The following LRRD1 variants were observed in gnomAD, a reference collection of about 807,000 sequenced individuals.
LRRD1 encodes the protein leucine rich repeats and death domain containing 1, also known as leucine-rich repeat and death domain-containing protein 1.
A neutral mutation model predicts 69.5 loss-of-function variants in LRRD1; 49 were observed. The observed-to-expected ratio is 0.70, with a 90% CI of 0.56 to 0.89. The LOEUF (loss-of-function observed/expected upper bound fraction) is 0.89, where lower values mean the gene tolerates loss of function less well. Ranked by LOEUF, LRRD1 falls within the 40% of genes least tolerant of loss-of-function variation. The probability of loss-of-function intolerance (pLI) is 0.00; values close to 1 mark genes in which losing one functional copy is unlikely to be tolerated. For synonymous variants in LRRD1, 303 were observed against 338.9 expected (o/e 0.89, Z 1.16); for missense variants, 853 against 956.0 (o/e 0.89, Z 1.42).
chr7:92,164,773 A>G lies in LRRD1; in HGVS notation c.430T>C (p.Phe144Leu). The G allele has an allele frequency of 6.4e-7, 1 of 1,551,520 alleles. No individual in the cohort carries two copies. The highest frequency in any genetic ancestry group is 8.7e-7 in the Non-Finnish European group (1 of 1,146,904). The change falls in exon 2 of 6, where the codon TTT becomes CTT. Residue 144 changes from phenylalanine to leucine, a missense_variant. Physicochemically the swap from Phe to Leu is conservative, Grantham distance 22. This residue lies in a region of LRRD1 where 739 missense variants were observed against 808.0 expected (regional missense o/e 0.91). Coordinates refer to ENST00000458448, the MANE Select transcript of LRRD1 (RefSeq NM_001161528.2). ...QKQLGLGADNFTVNLEAKGLQ... is the reference protein window; with the variant it reads ...QKQLGLGADNLTVNLEAKGLQ... ...CCCTTGGCCTCAAGGTTAACTGTAA[A>G]GTTATCTGCCCCTAGGCCAAGTTGT... is the stretch of plus-strand genomic sequence containing the variant.
intron 1 of LRRD1, among the ~76,000 whole-genome samples, chr7:92,167,529 A>G (rs1030426621): frequency 6.6e-6 from 1 of 151,890 alleles, no homozygotes; most frequent in South Asian, 2.1e-4. Context: ...AAAAATTTTT[A>G]AAGTAATCTG....
chr7:92,169,100 G>T (rs1415292902), intron 1 of LRRD1, among the ~76,000 whole-genome samples: 4 of 151,984 alleles, frequency 2.6e-5, no homozygotes, highest in African/African-American at 9.7e-5. Context: ...TGTATTTTTA[G>T]TAGAGACAGG....
chr7:92,153,365 T>C (rs1220779479), intron 3 of LRRD1, among the ~76,000 whole-genome samples: 1 of 152,076 alleles, frequency 6.6e-6, no homozygotes, highest in Non-Finnish European at 1.5e-5. Context: ...ACGCCCGGCC[T>C]CTTATGCTTA....
At chr7:92,158,257 A>G (rs1289206104) in intron 3 of LRRD1, among the ~76,000 whole-genome samples, 1 of 152,126 alleles carries the variant, frequency 6.6e-6, no homozygotes, top group Non-Finnish European at 1.5e-5. Flanking sequence ...TGGGAGGCTG[A>G]GGCAGGTGGA....
At position 92,164,788 on chromosome 7, in the gene LRRD1, G is replaced by A. The variant is rs1057230107; in HGVS notation, c.415C>T (p.Leu139=). The A allele has an allele frequency of 6.3e-5, 98 of 1,551,404 alleles. No homozygotes were observed. Among genetic ancestry groups the A allele is most frequent in the Non-Finnish European group, 8.2e-5 (94 of 1,146,912 alleles). The change falls in exon 2 of 6, where the codon CTA becomes TTA. Residue 139 remains leucine, a synonymous_variant. Transcript: ENST00000458448. ...TTAACTGTAAAGTTATCTGCCCCTA[G>A]GCCAAGTTGTTTCTGATTTTCTTCA... ...VSEENQKQLG[L]GADNFTVNLE... is the part of the protein sequence containing the mutation.
chr7:92,175,055 A>T (rs1355502262), intron 1 of LRRD1, among the ~76,000 whole-genome samples: 1 of 152,026 alleles, frequency 6.6e-6, no homozygotes, highest in Non-Finnish European at 1.5e-5. Flanking sequence ...ACAAGAGTGA[A>T]ATTCCATCTC....
chr7:92,143,685 G>A (rs1034359969), downstream of LRRD1, among the ~76,000 whole-genome samples: 4 of 152,178 alleles, frequency 2.6e-5, no homozygotes, highest in Admixed American at 6.5e-5. Flanking sequence ...CGTGCAGCCC[G>A]GGTTCCCGCC....
intron 2 of LRRD1, 100 bp from the exon 3 acceptor site, chr7:92,159,303 G>GT (rs1788747578): frequency 1.1e-6 from 1 of 888,160 alleles, no homozygotes; most frequent in Non-Finnish European, 1.6e-6. Flanking sequence ...GTCTGTTTTT[G>GT]TTTTTGTCTT....
chr7:92,149,699 T>TTTTA (rs200080358), intron 4 of LRRD1, among the ~76,000 whole-genome samples: 5,591 of 151,680 alleles, frequency 0.037, 283 homozygotes, highest in African/African-American at 0.11. Flanking sequence ...GCCGAATGTA[T>TTTTA]TTTATTTATT....
At position 92,164,508 on chromosome 7, in the gene LRRD1, T is replaced by C. The variant is rs1463783863; in HGVS notation, c.695A>G (p.Gln232Arg). 3 of 1,549,140 alleles carry C rather than the reference T, an allele frequency of 1.9e-6. No homozygotes were observed. Among genetic ancestry groups the C allele is most frequent in the Non-Finnish European group, 1.7e-6 (2 of 1,145,296 alleles). ...HISHIPKEIS[Q>R]LGNIRQLFFY... ...AAAGAGTTGTCTGATATTCCCAAGC[T>C]GAGATATTTCTTTAGGTATATGTGA... Residue 232 changes from glutamine (Q) to arginine (R), a missense_variant, in exon 2 of 6, where the codon CAG becomes CGG. By Grantham distance (43) the Gln-to-Arg change is conservative. Transcript: ENST00000458448.
chr7:92,145,742 A>G (rs1014967205), intron 5 of LRRD1, among the ~76,000 whole-genome samples: 1 of 152,122 alleles, frequency 6.6e-6, no homozygotes, highest in Non-Finnish European at 1.5e-5. Context: ...CCCAGCTACT[A>G]TATGCTTTAT....
At chr7:92,142,405 T>C (rs987420701), downstream of LRRD1, 4 of 453,224 alleles carry the variant, frequency 8.8e-6, no homozygotes, top group Non-Finnish European at 1.8e-5. Flanking sequence ...CATCCAGCTC[T>C]CGGCAGACTA....
intron 4 of LRRD1, chr7:92,149,835 G>A: frequency 1.1e-5 from 5 of 439,762 alleles, no homozygotes; most frequent in Non-Finnish European, 2.3e-5. Flanking sequence ...TTACAGGCAT[G>A]AGCCACCACA....
At chr7:92,174,470 AATATATATATATATATATATATATAT>A (rs1186084706) in intron 1 of LRRD1, among the ~76,000 whole-genome samples, 2 of 20,244 alleles carry the variant, frequency 9.9e-5, no homozygotes, top group East Asian at 8.1e-4. Flanking sequence ...TATCAATTAG[AATATATATATATATATATATATATAT>A]ATATATATAT....
At chr7:92,146,320 T>A in intron 4 of LRRD1, 120 bp from the exon 5 acceptor site, 1 of 583,676 alleles carries the variant, frequency 1.7e-6, no homozygotes, top group Non-Finnish European at 2.9e-6. Context: ...TAAGTAAAAC[T>A]GAAAATGACA....
At chr7:92,142,865 T>G (rs1221298719), downstream of LRRD1, 1 of 385,894 alleles carries the variant, frequency 2.6e-6, no homozygotes, top group Admixed American at 3.4e-5. Flanking sequence ...AAAGGCAGTG[T>G]GGACCCAAAG....
At chr7:92,150,080 A>C (rs1027282969) in intron 4 of LRRD1, among the ~76,000 whole-genome samples, 1 of 152,214 alleles carries the variant, frequency 6.6e-6, no homozygotes, top group African/African-American at 2.4e-5. Context: ...ACAAACTCCT[A>C]AACTTAAGAA....
At chr7:92,155,765 T>A (rs1202331868) in intron 3 of LRRD1, among the ~76,000 whole-genome samples, 4 of 152,204 alleles carry the variant, frequency 2.6e-5, no homozygotes, top group African/African-American at 2.4e-5. Flanking sequence ...GCCTTCAGTC[T>A]GTGGCCAAAG....
chr7:92,144,194 T>G (rs1276823501), downstream of LRRD1, among the ~76,000 whole-genome samples: 4 of 152,232 alleles, frequency 2.6e-5, no homozygotes, highest in Non-Finnish European at 4.4e-5. Flanking sequence ...AAAGTAGGAA[T>G]GGTATATTTA....
Sources: allele counts gnomAD v4.1 joint callset (sites outside exome capture counted in the v4.1 genomes callset), GRCh38; gene constraint gnomAD v4.1.1; regional missense constraint gnomAD v4.1.1; transcripts MANE v1.5; gene names NCBI Gene and HGNC (gene_info 2026-07-23, HGNC 2026-07-21).